Variants in GRM7 observed in about 807,000 individuals in gnomAD.
The protein encoded by GRM7 is metabotropic glutamate receptor 7.
In GRM7, 35 loss-of-function variants were observed where a neutral mutation model predicts 84.5. The observed-to-expected ratio is 0.41, with a 90% CI of 0.32 to 0.55. GRM7 has a LOEUF of 0.55. GRM7 is among the 20% of genes least tolerant of loss of function. GRM7 has a pLI of 0.19. For missense variants in GRM7, 1,003 were observed against 1,194.6 expected, an observed-to-expected ratio of 0.84 and a Z score of 2.36; for synonymous variants, 487 against 455.1, an observed-to-expected ratio of 1.07 and a Z score of -0.89.
intron 7 of GRM7, among the ~76,000 whole-genome samples, chr3:7,463,548 G>T (rs547026254): frequency 1.3e-5 from 2 of 152,098 alleles, no homozygotes; most frequent in Non-Finnish European, 2.9e-5. Flanking sequence ...TCACAATTCA[G>T]CATCTAGGAT....
chr3:7,458,576 TA>T (rs1160138106), intron 6 of GRM7, among the ~76,000 whole-genome samples: 6 of 152,184 alleles, frequency 3.9e-5, no homozygotes, highest in African/African-American at 1.4e-4. Flanking sequence ...TTAATTTTTT[TA>T]AAACCGGAAC....
At chr3:7,612,746 G>A (rs1417082110) in intron 8 of GRM7, among the ~76,000 whole-genome samples, 3 of 152,144 alleles carry the variant, frequency 2.0e-5, no homozygotes. Flanking sequence ...GTTAATATCT[G>A]GGAAGAATTA....
In GRM7 at chr3:7,486,743, G is replaced by C. The variant is rs914723053; in HGVS notation, c.1515+25021G>C. Among the ~76,000 whole-genome samples, 2 of 152,148 alleles carry C rather than the reference G, an allele frequency of 1.3e-5. No homozygotes were observed. The highest frequency in any genetic ancestry group is 2.9e-5 in the Non-Finnish European group (2 of 68,028). ...GCTGTTTTTTAAAATAATTTATGCA[G>C]CCTCAGGTATTCTACTACAGCAACA... On this transcript the variant is annotated intron_variant, in intron 7 of 9. Transcript: ENST00000357716. The surrounding 1 kb of genome is among the most constrained non-coding windows in gnomAD (Gnocchi z 5.5).
chr3:7,449,247 G>A (rs893280513), intron 5 of GRM7, among the ~76,000 whole-genome samples: 2 of 152,030 alleles, frequency 1.3e-5, no homozygotes, highest in African/African-American at 4.8e-5. Context: ...TAGCAAAAAT[G>A]AATAAAACAT....
chr3:7,598,456 A>G (rs944060332), intron 8 of GRM7, among the ~76,000 whole-genome samples: 1 of 152,196 alleles, frequency 6.6e-6, no homozygotes, highest in Non-Finnish European at 1.5e-5. Context: ...CCATTTATCC[A>G]GCATTCTCCC....
At chr3:7,588,274 G>T (rs1421870501) in intron 8 of GRM7, among the ~76,000 whole-genome samples, 1 of 152,174 alleles carries the variant, frequency 6.6e-6, no homozygotes, top group Admixed American at 6.5e-5. Flanking sequence ...ATCCTCAAAT[G>T]ACTGGCACTT....
chr3:7,576,873 T>C lies in GRM7; in HGVS notation c.1516-1549T>C, dbSNP rs545357462. 9.8e-5 allele frequency among the ~76,000 whole-genome samples: 15 copies of C among 152,334 alleles called. No individual in the cohort carries two copies. In the South Asian group the frequency reaches 1.9e-3, roughly 19 times the overall value. On this transcript the variant is annotated intron_variant, in intron 7 of 9. Transcript: ENST00000357716. ...ATTAACAATAAACTTCAAAGTATTT[T>C]AACATAGATAAATTTACTGGCTTAC...
chr3:6,891,518 C>T (rs1246092268), intron 1 of GRM7, among the ~76,000 whole-genome samples: 1 of 152,146 alleles, frequency 6.6e-6, no homozygotes, highest in Non-Finnish European at 1.5e-5. Context: ...ATATGAAAAT[C>T]TGGGTTGAAA....
chr3:6,866,340 C>CT (rs530149022), intron 1 of GRM7, among the ~76,000 whole-genome samples: 187 of 144,172 alleles, frequency 1.3e-3, no homozygotes, highest in East Asian at 2.4e-3. Flanking sequence ...GCCTTATCTG[C>CT]TTTTTTTTTT....
intron 2 of GRM7, among the ~76,000 whole-genome samples, chr3:7,246,879 A>C (rs765284625): frequency 1.3e-5 from 2 of 152,100 alleles, no homozygotes; most frequent in African/African-American, 4.8e-5. Flanking sequence ...AAGGACAAAC[A>C]TTGTTGTAGG....
chr3:7,464,957 C>T (rs796911257), intron 7 of GRM7, among the ~76,000 whole-genome samples: 4 of 152,252 alleles, frequency 2.6e-5, no homozygotes, highest in African/African-American at 9.6e-5. Context: ...GATCATGCCA[C>T]TGCACTCCAG....
chr3:7,127,034 T>C (rs1029468416), intron 1 of GRM7, among the ~76,000 whole-genome samples: 1 of 152,232 alleles, frequency 6.6e-6, no homozygotes, highest in Non-Finnish European at 1.5e-5. Context: ...CATGAGCTCT[T>C]GACTAGTAGC....
intron 2 of GRM7, among the ~76,000 whole-genome samples, chr3:7,186,693 G>A (rs573374070): frequency 6.6e-6 from 1 of 152,050 alleles, no homozygotes; most frequent in African/African-American, 2.4e-5. Flanking sequence ...CACATTTAAT[G>A]TGTCATTGTC....
chr3:7,092,461 C>A (rs1344266811), intron 1 of GRM7, among the ~76,000 whole-genome samples: 2 of 152,082 alleles, frequency 1.3e-5, no homozygotes, highest in African/African-American at 4.8e-5. Context: ...TGCTTTTCTA[C>A]AAAATGGTTT....
At chr3:6,914,560 G>C (rs559701740) in intron 1 of GRM7, among the ~76,000 whole-genome samples, 1 of 151,838 alleles carries the variant, frequency 6.6e-6, no homozygotes, top group East Asian at 1.9e-4. Context: ...GCACCAGCAC[G>C]CCTGGCTAAT....
intron 7 of GRM7, among the ~76,000 whole-genome samples, chr3:7,539,996 C>A (rs1196246311): frequency 6.6e-6 from 1 of 151,950 alleles, no homozygotes. Context: ...ATTAAATGTT[C>A]CTTTTAATAA....
chr3:7,319,866 T>C lies in GRM7; in HGVS notation c.1033+13214T>C, dbSNP rs897802690. On this transcript the variant is annotated intron_variant, in intron 4 of 9. Coordinates refer to ENST00000357716, the MANE Select transcript of GRM7 (RefSeq NM_000844.4). ...ACTTTTTCTTGAAGTATAATTAGCA[T>C]AGACTAAGATATGCAAGTCTTAAAT... 7.2e-5 allele frequency among the ~76,000 whole-genome samples: 11 copies of C among 152,136 alleles called. 1 individual carries two copies. In the South Asian group the frequency reaches 2.3e-3, roughly 32 times the overall value.
At chr3:6,979,667 GACAGATT>G (rs1245564615) in intron 1 of GRM7, among the ~76,000 whole-genome samples, 1 of 152,040 alleles carries the variant, frequency 6.6e-6, no homozygotes, top group Non-Finnish European at 1.5e-5. Context: ...ATAACCAAAT[GACAGATT>G]ACAAATCATT....
chr3:7,639,635 T>C (rs59655749), intron 8 of GRM7, among the ~76,000 whole-genome samples: 26,420 of 152,106 alleles, frequency 0.17, 2,453 homozygotes, highest in African/African-American at 0.21. Context: ...TCCTACTACC[T>C]TTTTAAATTA....
Sources: gnomAD v4.1 joint callset for allele counts (sites outside exome capture counted in the v4.1 genomes callset) on GRCh38, gnomAD v4.1.1 for gene constraint, Gnocchi (gnomAD v3.1) non-coding constraint, MANE v1.5 for transcripts, NCBI Gene and HGNC (gene_info 2026-07-23, HGNC 2026-07-21) for gene names.